The following BEGAIN variants were observed in gnomAD, a reference collection of about 807,000 sequenced individuals.
The protein encoded by BEGAIN is brain enriched guanylate kinase associated.
BEGAIN carries 19 observed loss-of-function variants against 35.8 expected under a neutral mutation model. The observed-to-expected ratio is 0.53, with a 90% CI of 0.37 to 0.78. The LOEUF is 0.78. BEGAIN is among the 30% of genes least tolerant of loss of function. The pLI is 0.00. For missense variants in BEGAIN, 795 were observed against 853.6 expected (o/e 0.93, Z 0.85); for synonymous variants, 462 against 388.6 (o/e 1.19, Z -2.22).
chr14:100,544,099 G>T, intron 4 of BEGAIN, 134 bp from the exon 5 acceptor site: 1 of 638,286 alleles, frequency 1.6e-6, no homozygotes, highest in African/African-American at 1.8e-5. Context: ...AGGGTGTGGG[G>T]TTTATGAGCA....
chr14:100,538,200 C>G lies in BEGAIN; in HGVS notation c.1608G>C (p.Glu536Asp), dbSNP rs553312951. The part of the protein sequence containing the change: ...ADPLPGYAPS[E>D]GGDGDRLGVQ... ...CCCCGAGCCTGTCCCCGTCCCCCCC[C>G]TCGCTGGGTGCATAGCCGGGCAGTG... Residue 536 changes from glutamate (E) to aspartate (D), a missense_variant, in exon 7 of 7, where the codon GAG becomes GAC. Physicochemically the swap from Glu to Asp is conservative, Grantham distance 45. Transcript: ENST00000554140. 30 of 1,554,006 alleles carry G rather than the reference C, an allele frequency of 1.9e-5. No homozygotes were observed. Among genetic ancestry groups the G allele is most frequent in the Admixed American group, 5.7e-5 (3 of 52,980 alleles).
intron 5 of BEGAIN, among the ~76,000 whole-genome samples, chr14:100,541,202 G>A (rs1034576558): frequency 3.3e-5 from 5 of 152,278 alleles, no homozygotes; most frequent in African/African-American, 9.6e-5. Context: ...CTCAAGGGGT[G>A]TGGCTTCGCC....
intron 2 of BEGAIN, among the ~76,000 whole-genome samples, chr14:100,556,172 C>T (rs1003978913): frequency 6.6e-6 from 1 of 152,084 alleles, no homozygotes; most frequent in Non-Finnish European, 1.5e-5. Context: ...GCTCCCCTGC[C>T]CTCCCCTCCC....
chr14:100,565,111 C>T (rs979341303), intron 2 of BEGAIN, among the ~76,000 whole-genome samples: 1 of 152,210 alleles, frequency 6.6e-6, no homozygotes, highest in African/African-American at 2.4e-5. Context: ...TGTTGTGGGC[C>T]TCTGTCCCCG....
chr14:100,572,502 G>T (rs2035107143), intron 1 of BEGAIN, among the ~76,000 whole-genome samples: 1 of 152,120 alleles, frequency 6.6e-6, no homozygotes, highest in African/African-American at 2.4e-5. Context: ...CAACCCCAGT[G>T]CTTGGCCCCC....
chr14:100,577,924 CG>C (rs2035237542), intron 1 of BEGAIN: 1 of 399,050 alleles, frequency 2.5e-6, no homozygotes, highest in Non-Finnish European at 4.4e-6. Context: ...GTTAGAGCCC[CG>C]TGCCTGGGAG....
At chr14:100,542,015 C>T (rs1180164535) in intron 5 of BEGAIN, among the ~76,000 whole-genome samples, 1 of 152,224 alleles carries the variant, frequency 6.6e-6, no homozygotes, top group Non-Finnish European at 1.5e-5. Flanking sequence ...GCTGGCCATG[C>T]CTTAGTTTCC....
intron 1 of BEGAIN, among the ~76,000 whole-genome samples, chr14:100,572,782 G>A (rs1035594903): frequency 6.6e-5 from 10 of 152,182 alleles, no homozygotes; most frequent in Non-Finnish European, 1.3e-4. Flanking sequence ...TGGGGACGGG[G>A]TGTGGCTGTT....
intron 2 of BEGAIN, chr14:100,547,467 A>G (rs907808624): frequency 1.7e-4 from 26 of 152,016 alleles, no homozygotes; most frequent in African/African-American, 6.0e-4. Flanking sequence ...ACTATGACCC[A>G]CTCTTCCGAG....
At chr14:100,546,781 C>T in intron 2 of BEGAIN, 119 bp from the exon 3 acceptor site, 1 of 150,114 alleles carries the variant, frequency 6.7e-6, no homozygotes, top group Non-Finnish European at 1.0e-5. Flanking sequence ...CGCGCGCGCG[C>T]ACACACACAC....
chr14:100,554,492 T>C (rs2033513036), intron 2 of BEGAIN, among the ~76,000 whole-genome samples: 1 of 152,142 alleles, frequency 6.6e-6, no homozygotes, highest in Non-Finnish European at 1.5e-5. Flanking sequence ...CTCTCATCTC[T>C]GTGACTTTGT....
chr14:100,557,463 G>A (rs894440551), intron 2 of BEGAIN, among the ~76,000 whole-genome samples: 4 of 152,186 alleles, frequency 2.6e-5, no homozygotes, highest in African/African-American at 7.2e-5. Flanking sequence ...GACCCCGTGC[G>A]GTCCCATTTC....
In BEGAIN at chr14:100,558,734, A is replaced by T. The variant is rs190583516; in HGVS notation, c.71+9177T>A. On this transcript the variant is annotated intron_variant, in intron 2 of 6. Transcript: ENST00000554140. This position sits in a 1 kb window ranked among gnomAD's most constrained non-coding sequence, Gnocchi z 4.6. ...TTTCTCTCCCCATCCTTCCCAGGGTATACCAGGAGCCTCACCTTCTAGGAC... is the reference window on the plus strand; with the variant it reads ...TTTCTCTCCCCATCCTTCCCAGGGTTTACCAGGAGCCTCACCTTCTAGGAC... Among the ~76,000 whole-genome samples the T allele has an allele frequency of 2.0e-5, 3 of 152,258 alleles. No homozygotes were observed. Among genetic ancestry groups the T allele is most frequent in the Admixed American group, 1.3e-4 (2 of 15,304 alleles).
chr14:100,568,188 CCCCGGGGCGAAGAAGGGGCCGG>C lies in BEGAIN; in HGVS notation c.43-271_43-250del. 2.4e-6 allele frequency: 2 copies of C among 821,442 alleles called. No homozygotes were observed. The highest frequency in any genetic ancestry group is 3.0e-6 in the Non-Finnish European group (2 of 672,916). The allele number at this position is 821,442 out of a possible 1,614,324, so 50.9% of individuals were successfully genotyped here. A position where few individuals can be genotyped will look rare whatever the true frequency, so the allele number is the denominator to read the frequency against. On this transcript the variant is annotated intron_variant, in intron 1 of 6. Transcript: ENST00000554140. This position sits in a 1 kb window ranked among gnomAD's most constrained non-coding sequence, Gnocchi z 7.5. Reference sequence around the variant, plus strand: ...CGCGCTCCCCGCACCGAGTTACGCCCCCCGGGGCGAAGAAGGGGCCGGCCCGGGATGGCCCGGCCAGGGGCGA... The same window carrying C: ...CGCGCTCCCCGCACCGAGTTACGCCCCCCGGGATGGCCCGGCCAGGGGCGA...
chr14:100,546,616 T>C lies in BEGAIN; in HGVS notation c.118A>G (p.Thr40Ala). 1 of 1,588,060 alleles carries C rather than the reference T, an allele frequency of 6.3e-7. No homozygotes were observed. The highest frequency in any genetic ancestry group is 8.5e-7 in the Non-Finnish European group (1 of 1,170,754). ...TCGAGCTTCTCGAGCTTGTGTGTGG[T>C]GTAGGACAGCCGCTTGCGCAGCTCG... ...KGELRKRLSY[T>A]THKLEKLETE... Residue 40 changes from threonine to alanine, a missense_variant, in exon 3 of 7, where the codon ACC (threonine) becomes GCC (alanine). Thr to Ala is a moderately conservative substitution (Grantham distance 58). Around this residue, in one of 3 missense-constraint regions of BEGAIN, gnomAD observed 58 missense variants for 62.7 expected, o/e 0.92. Coordinates refer to ENST00000554140, the MANE Select transcript of BEGAIN (RefSeq NM_001385089.1).
rs1474858695 is a variant in BEGAIN, at chr14:100,568,155, C to T, written c.43-216G>A. ...CGGCCGAGTAACAGGTGAGCCCGCC[C>T]GGGCCGCCGCGCTCCCCGCACCGAG... On this transcript the variant is annotated intron_variant, in intron 1 of 6. Transcript: ENST00000554140. This position sits in a 1 kb window ranked among gnomAD's most constrained non-coding sequence, Gnocchi z 7.5. The T allele has an allele frequency of 1.5e-5, 14 of 930,894 alleles. No homozygotes were observed. The highest frequency in any genetic ancestry group is 1.1e-4 in the East Asian group (1 of 8,862). The allele number at this position is 930,894 out of a possible 1,614,324, so 57.7% of individuals were successfully genotyped here.
chr14:100,565,363 T>TG (rs1227100937), intron 2 of BEGAIN, among the ~76,000 whole-genome samples: 2 of 152,056 alleles, frequency 1.3e-5, no homozygotes, highest in South Asian at 4.2e-4. Context: ...GGCGACAGCA[T>TG]GGGGGGGCAG....
intron 1 of BEGAIN, chr14:100,577,236 C>G: frequency 2.5e-6 from 1 of 398,486 alleles, no homozygotes; most frequent in Non-Finnish European, 4.4e-6. Context: ...GGGGAGGGAA[C>G]TCGGAGCAGG....
In BEGAIN at chr14:100,538,982, G is replaced by A. The variant is rs2031102090; in HGVS notation, c.826C>T (p.Leu276=). The A allele has an allele frequency of 6.2e-7, 1 of 1,610,168 alleles. No individual in the cohort carries two copies. Among genetic ancestry groups the A allele is most frequent in the African/African-American group, 1.3e-5 (1 of 74,898 alleles). Residue 276 remains leucine, a synonymous_variant, in exon 7 of 7, where the codon CTG becomes TTG. Coordinates refer to ENST00000554140, the MANE Select transcript of BEGAIN (RefSeq NM_001385089.1). The part of the protein sequence containing the change: ...VDAPVTDVGF[L]RAQNSTDSAA... ...CTGTCAGTGGAGTTCTGGGCCCGCA[G>A]GAAGCCCACGTCGGTCACGGGCGCG... is the stretch of plus-strand genomic sequence containing the variant.
Sources: gnomAD v4.1 joint callset for allele counts (sites outside exome capture counted in the v4.1 genomes callset) on GRCh38, gnomAD v4.1.1 for gene constraint, gnomAD v4.1.1 regional missense constraint, Gnocchi (gnomAD v3.1) non-coding constraint, MANE v1.5 for transcripts, NCBI Gene and HGNC (gene_info 2026-07-23, HGNC 2026-07-21) for gene names.